The following KIAA1217 variants were observed in gnomAD, a reference collection of about 807,000 sequenced individuals.
KIAA1217 encodes KIAA1217, also known as sickle tail protein homolog.
In KIAA1217, 88 loss-of-function variants were observed where a neutral mutation model predicts 163.9. The observed-to-expected ratio is 0.54, with a 90% CI of 0.45 to 0.64. The LOEUF (loss-of-function observed/expected upper bound fraction) is 0.64, where lower values mean the gene tolerates loss of function less well. Ranked by LOEUF, KIAA1217 falls within the 30% of genes least tolerant of loss-of-function variation. KIAA1217 has a pLI of 0.00. For missense variants in KIAA1217, 2,372 were observed against 2,475.0 expected (o/e 0.96, Z 0.88); for synonymous variants, 903 against 923.1 (o/e 0.98, Z 0.39).
At chr10:24,271,543 G>A (rs1368367145) in intron 2 of KIAA1217, among the ~76,000 whole-genome samples, 1 of 152,082 alleles carries the variant, frequency 6.6e-6, no homozygotes, top group African/African-American at 2.4e-5. Flanking sequence ...ATGAACCCAG[G>A]AGTTCAAGAC....
intron 2 of KIAA1217, chr10:24,042,319 T>A (rs1848673780): frequency 6.6e-6 from 1 of 151,970 alleles, no homozygotes; most frequent in Non-Finnish European, 1.5e-5. Flanking sequence ...AGACCTTTCT[T>A]CTCTAATGCA....
intron 5 of KIAA1217, among the ~76,000 whole-genome samples, chr10:24,443,601 G>A (rs997523626): frequency 2.0e-5 from 3 of 152,012 alleles, no homozygotes; most frequent in African/African-American, 7.2e-5. Flanking sequence ...TTTCTCGGGG[G>A]TCTTCTGTAC....
intron 2 of KIAA1217, among the ~76,000 whole-genome samples, chr10:24,067,301 T>A (rs1352862506): frequency 6.6e-6 from 1 of 152,220 alleles, no homozygotes; most frequent in African/African-American, 2.4e-5. Context: ...TTGATGATGG[T>A]GACGTACTGA....
rs143359748 is a variant in KIAA1217, at chr10:23,847,017, G to C, written c.-321+151783G>C. Reference sequence around the variant, plus strand: ...TCATGTGGTTTTTGTCATTGGTTCTGTTTATGTGATGGATTCCATTTATTG... The same window carrying C: ...TCATGTGGTTTTTGTCATTGGTTCTCTTTATGTGATGGATTCCATTTATTG... On this transcript the variant is annotated intron_variant, in intron 1 of 18. Transcript: ENST00000376462. 6.4e-3 allele frequency among the ~76,000 whole-genome samples: 981 copies of C among 152,224 alleles called. 34 individuals are homozygous for C. Among genetic ancestry groups the C allele is most frequent in the Admixed American group, 0.044 (679 of 15,280 alleles).
chr10:24,279,278 G>GTTTT (rs1252516677), intron 2 of KIAA1217, among the ~76,000 whole-genome samples: 1 of 143,504 alleles, frequency 7.0e-6, no homozygotes, highest in Non-Finnish European at 1.5e-5. Flanking sequence ...TTGTTTGTTT[G>GTTTT]TTTTTTTTTT....
At chr10:24,072,874 C>T (rs116391462) in intron 2 of KIAA1217, among the ~76,000 whole-genome samples, 2,183 of 152,020 alleles carry the variant, frequency 0.014, 54 homozygotes, top group African/African-American at 0.05. Context: ...GCCTGGGCAA[C>T]CTGGTGAAAC....
At chr10:23,828,438 C>T (rs1266486522) in intron 1 of KIAA1217, among the ~76,000 whole-genome samples, 1 of 152,080 alleles carries the variant, frequency 6.6e-6, no homozygotes, top group Admixed American at 6.6e-5. Context: ...GAGGTCATGG[C>T]TGGTGATCCT....
intron 1 of KIAA1217, among the ~76,000 whole-genome samples, chr10:23,826,088 C>T (rs1414443): frequency 0.3 from 45,021 of 151,858 alleles, 7,641 homozygotes; most frequent in African/African-American, 0.45. Context: ...TGAACCCTAA[C>T]TTTGTGATGT....
chr10:24,533,027 TAGG>T, intron 15 of KIAA1217, 40 bp from the exon 16 acceptor site: 1 of 1,565,344 alleles, frequency 6.4e-7, no homozygotes, highest in Non-Finnish European at 8.7e-7. Flanking sequence ...TGCTAGCACC[TAGG>T]AGATGTTAAA....
intron 2 of KIAA1217, among the ~76,000 whole-genome samples, chr10:24,360,934 G>A (rs1257340120): frequency 6.6e-6 from 1 of 150,918 alleles, no homozygotes; most frequent in African/African-American, 2.4e-5. Flanking sequence ...AATCAGAAAA[G>A]CAAGCACAAA....
intron 9 of KIAA1217, among the ~76,000 whole-genome samples, chr10:24,511,733 C>T (rs927244305): frequency 4.6e-5 from 7 of 152,076 alleles, no homozygotes; most frequent in African/African-American, 1.7e-4. Flanking sequence ...AAGACATTAG[C>T]AAAAGTGGTG....
At chr10:24,376,903 T>C (rs1329578663) in intron 2 of KIAA1217, among the ~76,000 whole-genome samples, 1 of 152,144 alleles carries the variant, frequency 6.6e-6, no homozygotes, top group Admixed American at 6.5e-5. Context: ...TGGTAATCAG[T>C]AGTGTGAGGT....
upstream of KIAA1217, among the ~76,000 whole-genome samples, chr10:24,204,152 C>T (rs1016328727): frequency 1.3e-5 from 2 of 152,118 alleles, no homozygotes; most frequent in African/African-American, 2.4e-5. Flanking sequence ...AGGAGAGTTC[C>T]AAGACATTTC....
chr10:24,423,845 T>C (rs1291869766), intron 3 of KIAA1217, among the ~76,000 whole-genome samples: 2 of 152,208 alleles, frequency 1.3e-5, no homozygotes, highest in Non-Finnish European at 2.9e-5. Context: ...CAAGGGCACA[T>C]TCAAAATTGG....
At chr10:24,110,950 C>T (rs2062822823) in intron 2 of KIAA1217, among the ~76,000 whole-genome samples, 2 of 151,878 alleles carry the variant, frequency 1.3e-5, no homozygotes, top group Non-Finnish European at 2.9e-5. Flanking sequence ...TAATTTTTTT[C>T]TTTATGCATT....
At chr10:23,708,368 G>A (rs1373152700) in intron 1 of KIAA1217, among the ~76,000 whole-genome samples, 3 of 152,144 alleles carry the variant, frequency 2.0e-5, no homozygotes, top group African/African-American at 7.2e-5. Flanking sequence ...CAGAAGGAGG[G>A]TACACACATC....
chr10:24,255,929 G>A (rs990702549), intron 2 of KIAA1217, among the ~76,000 whole-genome samples: 8 of 151,010 alleles, frequency 5.3e-5, no homozygotes, highest in East Asian at 2.0e-4. Flanking sequence ...TAAGTATGGT[G>A]TAATCAGTTC....
chr10:24,114,796 C>G (rs1277078979), intron 2 of KIAA1217, among the ~76,000 whole-genome samples: 1 of 152,184 alleles, frequency 6.6e-6, no homozygotes, highest in Non-Finnish European at 1.5e-5. Flanking sequence ...AAAGCCAGAC[C>G]TCCTCATCAA....
chr10:23,699,567 T>C (rs1384410273), intron 1 of KIAA1217, among the ~76,000 whole-genome samples: 1 of 152,162 alleles, frequency 6.6e-6, no homozygotes, highest in Non-Finnish European at 1.5e-5. Context: ...ACCCTGTCTC[T>C]CCCCACCTAT....
Sources: gnomAD v4.1 joint callset for allele counts (sites outside exome capture counted in the v4.1 genomes callset) on GRCh38, gnomAD v4.1.1 for gene constraint, MANE v1.5 for transcripts, NCBI Gene and HGNC (gene_info 2026-07-23, HGNC 2026-07-21) for gene names.